ROBO2: variants seen among roughly 807,000 people sequenced by gnomAD.
The protein encoded by ROBO2 is roundabout homolog 2.
ROBO2 carries 53 observed loss-of-function variants against 160.8 expected under a neutral mutation model. The observed-to-expected ratio is 0.33, with a 90% CI of 0.26 to 0.41. The LOEUF (loss-of-function observed/expected upper bound fraction) is 0.41. Among genes scored for constraint, ROBO2 ranks in the 10% least tolerant of loss-of-function variants. The pLI, the probability that ROBO2 is intolerant of heterozygous loss-of-function variation, is 1.00. For missense variants in ROBO2, 1,577 were observed against 1,722.4 expected (o/e 0.92, Z 1.49); for synonymous variants, 664 against 611.7 (o/e 1.09, Z -1.26).
chr3:76,969,367 C>T (rs1436577128), intron 2 of ROBO2, among the ~76,000 whole-genome samples: 1 of 152,100 alleles, frequency 6.6e-6, no homozygotes, highest in African/African-American at 2.4e-5. Context: ...GACTGCAAGG[C>T]ACAGAGAAAG....
chr3:76,366,962 C>T (rs1232323995), intron 2 of ROBO2, among the ~76,000 whole-genome samples: 2 of 151,816 alleles, frequency 1.3e-5, no homozygotes. Context: ...AAAATAATAG[C>T]ATTGCCCATA....
At chr3:77,204,633 A>G (rs1294009408) in intron 2 of ROBO2, among the ~76,000 whole-genome samples, 2 of 152,174 alleles carry the variant, frequency 1.3e-5, no homozygotes, top group African/African-American at 2.4e-5. Flanking sequence ...TAATTTTTCT[A>G]GAATATGCAA....
rs184740607 is a variant in ROBO2 at position 77,610,107 on chromosome 3, T to C, written c.3293+2153T>C. Among the ~76,000 whole-genome samples the C allele has an allele frequency of 4.2e-3, 641 of 151,908 alleles. 2 individuals carry two copies. The highest frequency in any genetic ancestry group is 0.014 in the Middle Eastern group (4 of 286). On this transcript the variant is annotated intron_variant, in intron 21 of 25. Transcript: ENST00000461745. ...ATTTTGTCCATTTTTTGATATTCTT[T>C]ATACTTTTATATTTTCTAATCGGTA...
chr3:76,718,145 A>G (rs1437832484), intron 2 of ROBO2, among the ~76,000 whole-genome samples: 2 of 152,208 alleles, frequency 1.3e-5, no homozygotes, highest in Admixed American at 1.3e-4. Flanking sequence ...TTATCTCTAT[A>G]ACAACTCTAT....
At chr3:77,101,521 G>A (rs1490080059) in intron 2 of ROBO2, among the ~76,000 whole-genome samples, 1 of 152,134 alleles carries the variant, frequency 6.6e-6, no homozygotes, top group Non-Finnish European at 1.5e-5. Flanking sequence ...TGAGATAGGT[G>A]TTGAAGCCAC....
chr3:76,386,094 AG>A (rs1469488970), intron 2 of ROBO2, among the ~76,000 whole-genome samples: 5 of 152,186 alleles, frequency 3.3e-5, no homozygotes, highest in African/African-American at 1.2e-4. Context: ...AAAGAGTAAA[AG>A]CTATAACAAC....
At chr3:75,940,116 T>C (rs1288248118) in intron 2 of ROBO2, among the ~76,000 whole-genome samples, 2 of 152,186 alleles carry the variant, frequency 1.3e-5, no homozygotes, top group Non-Finnish European at 2.9e-5. Context: ...TTCATATTTA[T>C]GAATAGACTA....
intron 24 of ROBO2, among the ~76,000 whole-genome samples, chr3:77,635,801 A>C (rs2153717303): frequency 6.6e-6 from 1 of 152,296 alleles, no homozygotes; most frequent in South Asian, 2.1e-4. Context: ...CAACGAAATC[A>C]CCTAACACCA....
chr3:77,059,264 T>G (rs2066056066), intron 1 of ROBO2, among the ~76,000 whole-genome samples: 1 of 152,062 alleles, frequency 6.6e-6, no homozygotes, highest in Admixed American at 6.6e-5. Flanking sequence ...TTTGAAAGCC[T>G]GGAAGAAAGT....
At chr3:75,988,641 G>T (rs893783774) in intron 2 of ROBO2, among the ~76,000 whole-genome samples, 9 of 151,830 alleles carry the variant, frequency 5.9e-5, no homozygotes, top group African/African-American at 2.2e-4. Context: ...TTTCTCCTTA[G>T]CACTTATTTT....
chr3:77,131,390 C>T (rs1222847148), intron 2 of ROBO2, among the ~76,000 whole-genome samples: 2 of 152,166 alleles, frequency 1.3e-5, no homozygotes, highest in Non-Finnish European at 2.9e-5. Context: ...AGTCTGTTCT[C>T]TCCAGATTTA....
intron 2 of ROBO2, among the ~76,000 whole-genome samples, chr3:75,943,827 A>AGTAGC (rs1948161348): frequency 6.6e-6 from 1 of 151,832 alleles, no homozygotes. Context: ...CAGGCTCCCG[A>AGTAGC]GTAGCTGGGA....
intron 2 of ROBO2, among the ~76,000 whole-genome samples, chr3:76,183,330 T>C (rs755532178): frequency 2.0e-5 from 3 of 152,180 alleles, no homozygotes; most frequent in African/African-American, 4.8e-5. Flanking sequence ...TGCTCTGTTG[T>C]ATTGGTAAAG....
At chr3:76,458,252 A>G (rs533723227) in intron 2 of ROBO2, among the ~76,000 whole-genome samples, 1 of 152,186 alleles carries the variant, frequency 6.6e-6, no homozygotes, top group African/African-American at 2.4e-5. Flanking sequence ...CTGCTTAGAA[A>G]TTTCTTCCTC....
chr3:76,982,075 T>C (rs1249662190), intron 2 of ROBO2, among the ~76,000 whole-genome samples: 1 of 152,196 alleles, frequency 6.6e-6, no homozygotes, highest in Non-Finnish European at 1.5e-5. Flanking sequence ...AAAAGCCTTT[T>C]AATTTTGGTG....
chr3:76,865,766 C>T (rs774918592), intron 2 of ROBO2, among the ~76,000 whole-genome samples: 18 of 152,004 alleles, frequency 1.2e-4, no homozygotes, highest in Admixed American at 2.6e-4. Flanking sequence ...TAAGGAATAT[C>T]CTCTTCTACC....
intron 2 of ROBO2, among the ~76,000 whole-genome samples, chr3:76,455,183 A>G (rs2077686994): frequency 6.6e-6 from 1 of 152,134 alleles, no homozygotes; most frequent in Non-Finnish European, 1.5e-5. Flanking sequence ...TTGGAAAATT[A>G]TGTCTTAGAC....
rs190693371 is a variant in ROBO2, at chr3:76,146,822, A to G, written c.109+209220A>G. 2.2e-3 allele frequency among the ~76,000 whole-genome samples: 304 copies of G among 137,178 alleles called. 1 individual carries two copies. The highest frequency in any genetic ancestry group is 6.5e-3 in the African/African-American group (249 of 38,298). The allele number at this position is 137,178 out of a possible 152,430, so 90.0% of individuals were successfully genotyped here. On this transcript the variant is annotated intron_variant, in intron 2 of 26. Transcript: ENST00000487694. ...CCCAAGGTAACTCTGTGGTAATGAT[A>G]GAATTCTAAAATGATATGAGGATAC...
At chr3:77,339,132 A>T (rs965256221) in intron 2 of ROBO2, among the ~76,000 whole-genome samples, 36 of 152,116 alleles carry the variant, frequency 2.4e-4, no homozygotes, top group Admixed American at 6.6e-5. Context: ...AGATGCGGAC[A>T]TTAAGAAAGC....
Sources: gnomAD v4.1 joint callset for allele counts (sites outside exome capture counted in the v4.1 genomes callset) on GRCh38, gnomAD v4.1.1 for gene constraint, MANE v1.5 for transcripts, NCBI Gene and HGNC (gene_info 2026-07-23, HGNC 2026-07-21) for gene names.